FARS2: variants seen among roughly 807,000 people sequenced by gnomAD.
FARS2 encodes phenylalanine--tRNA ligase, mitochondrial.
A neutral mutation model predicts 46.4 loss-of-function variants in FARS2; 40 were observed. The observed-to-expected ratio is 0.86, with a 90% CI of 0.67 to 1.12. FARS2 has a LOEUF of 1.12. Among genes scored for constraint, FARS2 ranks in the 50% most tolerant of loss-of-function variants. FARS2 has a pLI of 0.00. For synonymous variants in FARS2, 234 were observed against 214.9 expected, an observed-to-expected ratio of 1.09 and a Z score of -0.78; for missense variants, 513 against 567.9, an observed-to-expected ratio of 0.90 and a Z score of 0.98.
At chr6:5,600,322 G>A (rs1158627384) in intron 5 of FARS2, among the ~76,000 whole-genome samples, 2 of 152,204 alleles carry the variant, frequency 1.3e-5, no homozygotes, top group Non-Finnish European at 2.9e-5. Context: ...GATGAGTCTC[G>A]TGTGGTTTCT....
At chr6:5,605,507 C>G (rs376832081) in intron 5 of FARS2, among the ~76,000 whole-genome samples, 1 of 152,346 alleles carries the variant, frequency 6.6e-6, no homozygotes, top group East Asian at 1.9e-4. Context: ...TGGGCAAGAA[C>G]CCAGACCACC....
intron 6 of FARS2, among the ~76,000 whole-genome samples, chr6:5,752,414 C>T (rs1761998557): frequency 6.6e-6 from 1 of 152,182 alleles, no homozygotes; most frequent in South Asian, 2.1e-4. Context: ...ATCATCAGCA[C>T]AGAGCAACTT....
chr6:5,634,119 G>A (rs1004360953), intron 6 of FARS2, among the ~76,000 whole-genome samples: 6 of 151,694 alleles, frequency 4.0e-5, no homozygotes, highest in Non-Finnish European at 8.8e-5. Flanking sequence ...CTCTTAAGTT[G>A]TTTATTATTA....
intron 4 of FARS2, among the ~76,000 whole-genome samples, chr6:5,526,832 G>T (rs1769494630): frequency 6.6e-6 from 1 of 152,032 alleles, no homozygotes; most frequent in Non-Finnish European, 1.5e-5. Flanking sequence ...GGCCAGGCTG[G>T]TCTCAAACTC....
chr6:5,347,548 C>T (rs1306477334), intron 1 of FARS2, among the ~76,000 whole-genome samples: 3 of 151,814 alleles, frequency 2.0e-5, no homozygotes, highest in Admixed American at 2.0e-4. Context: ...ATGAATATAC[C>T]ACTGTTTACC....
intron 2 of FARS2, among the ~76,000 whole-genome samples, chr6:5,399,188 T>C (rs888021631): frequency 6.8e-6 from 1 of 147,834 alleles, no homozygotes; most frequent in Non-Finnish European, 1.5e-5. Flanking sequence ...ATCATCATCA[T>C]CATCGAGACG....
At chr6:5,754,739 C>T (rs1762122270) in intron 6 of FARS2, among the ~76,000 whole-genome samples, 1 of 152,190 alleles carries the variant, frequency 6.6e-6, no homozygotes, top group Non-Finnish European at 1.5e-5. Context: ...TCCATTAGCT[C>T]CTGAACTCTT....
intron 5 of FARS2, among the ~76,000 whole-genome samples, chr6:5,554,785 G>C (rs1210455981): frequency 6.6e-6 from 1 of 152,196 alleles, no homozygotes; most frequent in African/African-American, 2.4e-5. Flanking sequence ...GTGGTAGTAA[G>C]TAACGGAGCC....
chr6:5,333,089 C>T (rs1159074142), intron 1 of FARS2, among the ~76,000 whole-genome samples: 1 of 152,152 alleles, frequency 6.6e-6, no homozygotes, highest in Non-Finnish European at 1.5e-5. Context: ...TCTGAATCGC[C>T]TTGACATTTT....
intron 3 of FARS2, among the ~76,000 whole-genome samples, chr6:5,406,085 G>T (rs1761576511): frequency 6.6e-6 from 1 of 152,010 alleles, no homozygotes. Flanking sequence ...ATAAAGAGAA[G>T]GTTAGTGGAT....
At chr6:5,277,476 T>C (rs1226147765) in intron 1 of FARS2, among the ~76,000 whole-genome samples, 2 of 152,192 alleles carry the variant, frequency 1.3e-5, no homozygotes, top group Non-Finnish European at 2.9e-5. Context: ...ACATTTTTTT[T>C]ATTTACCAGA....
In FARS2 at chr6:5,311,274, A is replaced by C. The variant is rs535115513; in HGVS notation, c.-22+49614A>C. 3.3e-5 allele frequency among the ~76,000 whole-genome samples: 5 copies of C among 152,350 alleles called. No homozygotes were observed. In the South Asian group the frequency reaches 1.0e-3, roughly 32 times the overall value. On this transcript the variant is annotated intron_variant, in intron 1 of 6. Transcript: ENST00000274680. The surrounding 1 kb of genome is among the most constrained non-coding windows in gnomAD (Gnocchi z 4.1). ...GTTTGTGTTAAGAATCAAAAGGAGTATGTTTTACTGATAGATTAAATAGAT... is the reference window on the plus strand; with the variant it reads ...GTTTGTGTTAAGAATCAAAAGGAGTCTGTTTTACTGATAGATTAAATAGAT...
intron 6 of FARS2, among the ~76,000 whole-genome samples, chr6:5,743,971 A>G (rs1761498961): frequency 6.6e-6 from 1 of 152,184 alleles, no homozygotes; most frequent in South Asian, 2.1e-4. Context: ...CCTCTTATAT[A>G]GGAGCTCGGC....
At chr6:5,499,374 C>G (rs1767659802) in intron 4 of FARS2, among the ~76,000 whole-genome samples, 2 of 152,198 alleles carry the variant, frequency 1.3e-5, no homozygotes, top group Non-Finnish European at 2.9e-5. Context: ...TCATGAGACG[C>G]AGACTGCACT....
intron 6 of FARS2, among the ~76,000 whole-genome samples, chr6:5,738,248 C>A (rs1761076318): frequency 6.6e-6 from 1 of 152,200 alleles, no homozygotes; most frequent in African/African-American, 2.4e-5. Context: ...CCACACCCAG[C>A]TACTTCTAGA....
At chr6:5,328,580 A>T (rs988083688) in intron 1 of FARS2, among the ~76,000 whole-genome samples, 1 of 151,916 alleles carries the variant, frequency 6.6e-6, no homozygotes, top group Admixed American at 6.6e-5. Flanking sequence ...CCTCTGGTCC[A>T]TCATGTCTCC....
In FARS2 at chr6:5,646,455, C is replaced by T. The variant is rs868691527; in HGVS notation, c.1217+33135C>T. ...GTCTCATGGTCCACTCCAGCATTGC[C>T]GGTCTGTGGTCTATGCGTGATGGCC... On this transcript the variant is annotated intron_variant, in intron 6 of 6. Coordinates refer to ENST00000274680, the MANE Select transcript of FARS2 (RefSeq NM_006567.5). Among the ~76,000 whole-genome samples, 55 of 152,220 alleles carry T rather than the reference C, an allele frequency of 3.6e-4. 1 individual carries two copies. Among genetic ancestry groups the T allele is most frequent in the African/African-American group, 1.3e-3 (53 of 41,530 alleles).
intron 4 of FARS2, among the ~76,000 whole-genome samples, chr6:5,432,963 C>T (rs1206838560): frequency 1.3e-5 from 2 of 152,098 alleles, no homozygotes; most frequent in East Asian, 1.9e-4. Flanking sequence ...GGCCTGGACT[C>T]CACAAGCTCC....
At chr6:5,463,970 G>A (rs1765380917) in intron 4 of FARS2, among the ~76,000 whole-genome samples, 1 of 152,208 alleles carries the variant, frequency 6.6e-6, no homozygotes, top group South Asian at 2.1e-4. Flanking sequence ...TTCAGGCACA[G>A]CAGGTTTCAT....
Sources: allele counts gnomAD v4.1 joint callset (sites outside exome capture counted in the v4.1 genomes callset), GRCh38; gene constraint gnomAD v4.1.1; non-coding constraint Gnocchi (gnomAD v3.1); transcripts MANE v1.5; gene names NCBI Gene and HGNC (gene_info 2026-07-23, HGNC 2026-07-21).